The following AEBP2 variants were observed in gnomAD, a reference collection of about 807,000 sequenced individuals.
The protein encoded by AEBP2 is zinc finger protein AEBP2.
In AEBP2, 10 loss-of-function variants were observed where a neutral mutation model predicts 50.8. That is an observed-to-expected ratio of 0.20 (90% CI 0.12 to 0.33). The LOEUF (loss-of-function observed/expected upper bound fraction) is 0.33, where lower values mean the gene tolerates loss of function less well. Ranked by LOEUF, AEBP2 falls within the 10% of genes least tolerant of loss-of-function variation. The pLI is 1.00. For missense variants in AEBP2, 570 were observed against 688.0 expected (o/e 0.83, Z 1.92); for synonymous variants, 296 against 261.3 (o/e 1.13, Z -1.28).
intron 6 of AEBP2, 69 bp downstream of exon 6, chr12:19,512,534 A>G: frequency 1.0e-6 from 1 of 977,368 alleles, no homozygotes; most frequent in Non-Finnish European, 1.5e-6. Context: ...CTTACACACA[A>G]AAATTATTTA....
chr12:19,483,863 C>T (rs1265693014), intron 3 of AEBP2, among the ~76,000 whole-genome samples: 1 of 151,968 alleles, frequency 6.6e-6, no homozygotes, highest in South Asian at 2.1e-4. Context: ...GGAAAAATCC[C>T]CTAAAATGAT....
chr12:19,450,842 C>CAA (rs140232330), intron 1 of AEBP2, among the ~76,000 whole-genome samples: 181 of 137,058 alleles, frequency 1.3e-3, no homozygotes, highest in Middle Eastern at 3.7e-3. Context: ...GACATTGTCT[C>CAA]AAAAAAAAAA....
At chr12:19,411,319 G>T (rs2095739122) in intron 1 of AEBP2, among the ~76,000 whole-genome samples, 1 of 152,224 alleles carries the variant, frequency 6.6e-6, no homozygotes, top group Non-Finnish European at 1.5e-5. Context: ...ATTAAAGGAA[G>T]CTTGGTCCAG....
chr12:19,415,655 T>TCAATACAATACACTA (rs2095742121), intron 1 of AEBP2, among the ~76,000 whole-genome samples: 1 of 131,882 alleles, frequency 7.6e-6, no homozygotes, highest in Admixed American at 8.4e-5. Context: ...AGAGATTAAA[T>TCAATACAATACACTA]CAATACAATA....
chr12:19,429,696 T>C (rs962691237), intron 1 of AEBP2, among the ~76,000 whole-genome samples: 1 of 152,224 alleles, frequency 6.6e-6, no homozygotes, highest in African/African-American at 2.4e-5. Context: ...GGTATCTCAT[T>C]GTGGTTTTGA....
At chr12:19,497,636 C>G (rs76514560) in intron 4 of AEBP2, among the ~76,000 whole-genome samples, 1 of 152,046 alleles carries the variant, frequency 6.6e-6, no homozygotes, top group Admixed American at 6.6e-5. Flanking sequence ...CCATGCCGGG[C>G]TAATTTTTGT....
intron 1 of AEBP2, among the ~76,000 whole-genome samples, chr12:19,453,962 C>T (rs1454802415): frequency 2.0e-5 from 3 of 152,052 alleles, no homozygotes; most frequent in Non-Finnish European, 2.9e-5. Flanking sequence ...CATGCCTGGC[C>T]CCCAGTTTAT....
At chr12:19,473,770 C>T (rs748215799) in intron 3 of AEBP2, among the ~76,000 whole-genome samples, 1 of 152,034 alleles carries the variant, frequency 6.6e-6, no homozygotes, top group Non-Finnish European at 1.5e-5. Flanking sequence ...AAAAGCTCCT[C>T]TAAATTTTTT....
chr12:19,475,326 A>G (rs11044589), intron 3 of AEBP2, among the ~76,000 whole-genome samples: 3,262 of 151,352 alleles, frequency 0.022, 37 homozygotes, highest in East Asian at 0.043. Context: ...ACGATATTTG[A>G]TTTTCCTTTC....
At chr12:19,434,295 TCCCGA>T (rs894596137) in intron 1 of AEBP2, among the ~76,000 whole-genome samples, 1 of 151,686 alleles carries the variant, frequency 6.6e-6, no homozygotes, top group African/African-American at 2.4e-5. Flanking sequence ...TGCCTCAGCC[TCCCGA>T]GTAGCTGGGG....
intron 2 of AEBP2, among the ~76,000 whole-genome samples, chr12:19,466,048 A>G (rs1332153623): frequency 6.6e-6 from 1 of 151,684 alleles, no homozygotes; most frequent in African/African-American, 2.4e-5. Context: ...GGAGGACTTG[A>G]TCATCCTCCT....
chr12:19,466,814 C>G (rs1436923321), intron 2 of AEBP2: 28 of 984,322 alleles, frequency 2.8e-5, no homozygotes, highest in African/African-American at 5.2e-5. Context: ...AGATTTTATG[C>G]TTCTGATTAT....
intron 1 of AEBP2, 116 bp from the exon 2 acceptor site, chr12:19,462,394 A>G (rs967265232): frequency 3.1e-5 from 26 of 835,366 alleles, no homozygotes; most frequent in African/African-American, 3.1e-4. Flanking sequence ...TATGGTTACT[A>G]TGCTTTGTTC....
intron 1 of AEBP2, among the ~76,000 whole-genome samples, chr12:19,404,446 A>G (rs149919922): frequency 0.013 from 2,030 of 152,258 alleles, 22 homozygotes; most frequent in Non-Finnish European, 0.022. Context: ...ACAGTTTTCT[A>G]CTTCACAGTG....
At chr12:19,443,864 T>C (rs1166018169) in intron 1 of AEBP2, among the ~76,000 whole-genome samples, 3 of 152,224 alleles carry the variant, frequency 2.0e-5, no homozygotes, top group Non-Finnish European at 4.4e-5. Flanking sequence ...AGTTGATTTT[T>C]TTCCCCCCAG....
chr12:19,462,685 C>T lies in AEBP2; in HGVS notation c.847C>T (p.Arg283Cys), dbSNP rs267603407. Residue 283 changes from arginine (R) to cysteine (C), a missense_variant, in exon 2 of 8, where the codon CGT becomes TGT. Around this residue, in one of 2 missense-constraint regions of AEBP2, gnomAD observed 184 missense variants for 351.2 expected, o/e 0.52. Transcript: ENST00000266508. ...TAGCCCAGATCTGGCAGATCACATC[C>T]GTTCCATACATGTAGATGGTCAGCG... ...NSSPDLADHIRSIHVDGQRGG... is the reference protein window; with the variant it reads ...NSSPDLADHICSIHVDGQRGG... The T allele has an allele frequency of 3.7e-6, 6 of 1,613,600 alleles. No individual in the cohort carries two copies. The highest frequency in any genetic ancestry group is 4.2e-6 in the Non-Finnish European group (5 of 1,179,608).
At chr12:19,512,990 A>G (rs1174148136) in intron 6 of AEBP2, among the ~76,000 whole-genome samples, 4 of 152,110 alleles carry the variant, frequency 2.6e-5, no homozygotes, top group Admixed American at 2.0e-4. Flanking sequence ...AGCTTTTTAA[A>G]TCTTGTGTGG....
chr12:19,497,822 A>G (rs1201544592), intron 4 of AEBP2, among the ~76,000 whole-genome samples: 1 of 152,216 alleles, frequency 6.6e-6, no homozygotes, highest in Non-Finnish European at 1.5e-5. Context: ...AATACTGAGC[A>G]CACAGTCTTA....
At chr12:19,432,202 A>G (rs1480992078) in intron 1 of AEBP2, among the ~76,000 whole-genome samples, 1 of 152,112 alleles carries the variant, frequency 6.6e-6, no homozygotes. Context: ...GGTAGCTGTT[A>G]CTCAAATCTG....
Sources: gnomAD v4.1 joint callset for allele counts (sites outside exome capture counted in the v4.1 genomes callset) on GRCh38, gnomAD v4.1.1 for gene constraint, gnomAD v4.1.1 regional missense constraint, MANE v1.5 for transcripts, NCBI Gene and HGNC (gene_info 2026-07-23, HGNC 2026-07-21) for gene names.